GAD2: variants seen among roughly 807,000 people sequenced by gnomAD.
GAD2 encodes the protein glutamate decarboxylase 2.
A neutral mutation model predicts 80.1 loss-of-function variants in GAD2; 22 were observed. The ratio of observed to expected loss-of-function variants is 0.27; its 90% CI spans 0.20 to 0.39. GAD2 has a LOEUF of 0.39. GAD2 is among the 10% of genes least tolerant of loss of function. The pLI, the probability that GAD2 is intolerant of heterozygous loss-of-function variation, is 1.00. For synonymous variants in GAD2, 274 were observed against 256.9 expected (o/e 1.07, Z -0.64); for missense variants, 624 against 738.4 (o/e 0.85, Z 1.80).
intron 4 of GAD2, among the ~76,000 whole-genome samples, chr10:26,221,934 C>G (rs1186401431): frequency 2.0e-5 from 3 of 152,108 alleles, no homozygotes; most frequent in Admixed American, 6.5e-5. Context: ...TGGAGAGAGC[C>G]CTGCCTTGAT....
chr10:26,276,634 C>T (rs1480174198), intron 11 of GAD2, among the ~76,000 whole-genome samples: 1 of 151,978 alleles, frequency 6.6e-6, no homozygotes, highest in Non-Finnish European at 1.5e-5. Flanking sequence ...GTGATCCGCT[C>T]GCCTCGGCCT....
At chr10:26,240,097 T>G (rs1844721710) in intron 7 of GAD2, among the ~76,000 whole-genome samples, 1 of 152,318 alleles carries the variant, frequency 6.6e-6, no homozygotes, top group South Asian at 2.1e-4. Flanking sequence ...TTGTCCCAAT[T>G]CTAATAGAGG....
chr10:26,256,255 T>G (rs1224874775), intron 8 of GAD2, among the ~76,000 whole-genome samples: 2 of 151,850 alleles, frequency 1.3e-5, no homozygotes, highest in African/African-American at 4.8e-5. Flanking sequence ...ATATTATATA[T>G]ATATATAGAG....
At chr10:26,273,488 G>A (rs1845162150) in intron 10 of GAD2, 148 bp from the exon 11 acceptor site, 2 of 690,950 alleles carry the variant, frequency 2.9e-6, no homozygotes, top group Admixed American at 2.6e-5. Flanking sequence ...GCCCTTCGGT[G>A]TAAACTCTGA....
intron 7 of GAD2, among the ~76,000 whole-genome samples, chr10:26,230,320 G>C (rs1005935042): frequency 6.6e-6 from 1 of 152,194 alleles, no homozygotes; most frequent in African/African-American, 2.4e-5. Flanking sequence ...TTGATGCTAC[G>C]CCCATGTAAG....
chr10:26,248,249 T>C (rs1202256731), intron 8 of GAD2, among the ~76,000 whole-genome samples: 1 of 152,234 alleles, frequency 6.6e-6, no homozygotes, highest in African/African-American at 2.4e-5. Context: ...GCAGGACTTA[T>C]AGGACATAGG....
At chr10:26,239,696 G>T (rs1012156238) in intron 7 of GAD2, among the ~76,000 whole-genome samples, 1 of 152,170 alleles carries the variant, frequency 6.6e-6, no homozygotes, top group African/African-American at 2.4e-5. Context: ...TTACAGGATG[G>T]TCATAAAAAT....
At chr10:26,218,300 G>A in intron 3 of GAD2, 1 of 307,188 alleles carries the variant, frequency 3.3e-6, no homozygotes, top group Non-Finnish European at 5.9e-6. Flanking sequence ...ATGACGGCTG[G>A]CTTCCCTAGG....
intron 7 of GAD2, among the ~76,000 whole-genome samples, chr10:26,237,068 C>T (rs572494094): frequency 1.3e-5 from 2 of 152,066 alleles, no homozygotes; most frequent in Non-Finnish European, 2.9e-5. Flanking sequence ...TTTATTCCTC[C>T]CTTCCTTTAG....
intron 6 of GAD2, 128 bp downstream of exon 6, chr10:26,224,779 A>C (rs760950036): frequency 1.5e-6 from 1 of 656,430 alleles, no homozygotes; most frequent in Non-Finnish European, 2.6e-6. Context: ...GTTGATCAAA[A>C]GAATGACTGT....
chr10:26,287,499 A>G (rs891063309), intron 13 of GAD2, among the ~76,000 whole-genome samples: 3 of 152,232 alleles, frequency 2.0e-5, no homozygotes, highest in Non-Finnish European at 2.9e-5. Flanking sequence ...TAAAGGAAGA[A>G]ATGAGGAAGA....
chr10:26,217,256 ATTTC>A lies in GAD2; in HGVS notation c.77-350_77-347del, dbSNP rs372819016. Among the ~76,000 whole-genome samples, 537 of 151,924 alleles carry A rather than the reference ATTTC, an allele frequency of 3.5e-3. 7 individuals are homozygous for A. The highest frequency in any genetic ancestry group is 0.013 in the African/African-American group (520 of 41,408). On this transcript the variant is annotated intron_variant, in intron 1 of 15. Transcript: ENST00000376261. This position sits in a 1 kb window ranked among gnomAD's most constrained non-coding sequence, Gnocchi z 4.9. ...AAAAAAAAAATGGGAAAGGTGAGAG[ATTTC>A]TTTATCTAGAAAGACAGTCTGCGAA...
chr10:26,237,002 G>A (rs1346730238), intron 7 of GAD2, among the ~76,000 whole-genome samples: 1 of 152,232 alleles, frequency 6.6e-6, no homozygotes, highest in Non-Finnish European at 1.5e-5. Flanking sequence ...CACTCAGAGA[G>A]GCAAAGCTGT....
chr10:26,217,892 C>T lies in GAD2; in HGVS notation c.187C>T (p.Pro63Ser), dbSNP rs768892863. 20 of 1,606,122 alleles carry T rather than the reference C, an allele frequency of 1.2e-5. No individual in the cohort carries two copies. Among genetic ancestry groups the T allele is most frequent in the East Asian group, 2.2e-5 (1 of 44,640 alleles). Residue 63 changes from proline (P) to serine (S), a missense_variant, in exon 3 of 16, where the codon CCC (proline) becomes TCC (serine). Pro to Ser is a moderately conservative substitution (Grantham distance 74, BLOSUM62 -1). Transcript: ENST00000376261. The surrounding 1 kb of genome is among the most constrained non-coding windows in gnomAD (Gnocchi z 4.9). Reference protein sequence around the residue: ...EKPAESGGSQPPRAAARKAAC... With the variant: ...EKPAESGGSQSPRAAARKAAC... Reference sequence around the variant, plus strand: ...GCCGGCGGAGAGCGGCGGGAGCCAACCCCCGCGGGCCGCCGCCCGGAAGGC... The same window carrying T: ...GCCGGCGGAGAGCGGCGGGAGCCAATCCCCGCGGGCCGCCGCCCGGAAGGC...
intron 6 of GAD2, among the ~76,000 whole-genome samples, chr10:26,225,991 T>A (rs564473650): frequency 9.2e-5 from 14 of 152,226 alleles, no homozygotes; most frequent in Admixed American, 7.8e-4. Flanking sequence ...GAGATCCACA[T>A]CATTTCTACC....
chr10:26,221,383 T>C (rs947653968), intron 4 of GAD2, among the ~76,000 whole-genome samples: 10 of 152,188 alleles, frequency 6.6e-5, no homozygotes, highest in African/African-American at 2.4e-4. Flanking sequence ...ATTACCTCTG[T>C]AAAAAGAAAT....
At position 26,270,732 on chromosome 10, in the gene GAD2, G is replaced by A. The variant is rs1309845811; in HGVS notation, c.1068G>A (p.Lys356=). Reference sequence around the variant, plus strand: ...TAGCTGTCGCTGACATTTGCAAAAAGTATAAGATCTGGATGCATGTGGATG... The same window carrying A: ...TAGCTGTCGCTGACATTTGCAAAAAATATAAGATCTGGATGCATGTGGATG... The part of the protein sequence containing the change: ...PLLAVADICK[K]YKIWMHVDAA... The change falls in exon 10 of 16, where the codon AAG becomes AAA. Residue 356 remains lysine, a synonymous_variant. Coordinates refer to ENST00000376261, the MANE Select transcript of GAD2 (RefSeq NM_001134366.2). 1 of 1,613,156 alleles carries A rather than the reference G, an allele frequency of 6.2e-7. No homozygotes were observed. Among genetic ancestry groups the A allele is most frequent in the South Asian group, 1.1e-5 (1 of 91,052 alleles).
In GAD2 at chr10:26,245,973, G is replaced by A. The variant is rs772931919; in HGVS notation, c.893G>A (p.Ser298Asn). 5 of 1,614,154 alleles carry A rather than the reference G, an allele frequency of 3.1e-6. No individual in the cohort carries two copies. The highest frequency in any genetic ancestry group is 1.7e-5 in the Admixed American group (1 of 60,026). Residue 298 changes from serine (S) to asparagine (N), a missense_variant, in exon 8 of 16, where the codon AGC (serine) becomes AAC (asparagine). Coordinates refer to ENST00000376261, the MANE Select transcript of GAD2 (RefSeq NM_001134366.2). ...GCAGCCTTAGGGATTGGAACAGACA[G>A]CGTGATTCTGATTAAATGTGATGAG... ...GAAALGIGTD[S>N]VILIKCDERG...
chr10:26,273,699 AG>A lies in GAD2; in HGVS notation c.1157+1del. ...KHKWKLSGVE[R>X]ANSVTWNPHK... The stretch of plus-strand genomic sequence containing the variant: ...CAAGTGGAAACTGAGTGGCGTGGAG[AG>A]GTATGTTGCATTTTTCTTATTAACA... On this transcript the variant is annotated frameshift_variant and splice_region_variant, in exon 11 of 16. Transcript: ENST00000376261. LOFTEE classifies it high-confidence loss of function. 6.2e-7 allele frequency: 1 copy of A among 1,612,944 alleles called. No individual in the cohort carries two copies. The highest frequency in any genetic ancestry group is 8.5e-7 in the Non-Finnish European group (1 of 1,179,282).
Sources: gnomAD v4.1 joint callset for allele counts (sites outside exome capture counted in the v4.1 genomes callset) on GRCh38, gnomAD v4.1.1 for gene constraint, Gnocchi (gnomAD v3.1) non-coding constraint, MANE v1.5 for transcripts, NCBI Gene and HGNC (gene_info 2026-07-23, HGNC 2026-07-21) for gene names.